MDN1: variants seen among roughly 807,000 people sequenced by gnomAD.
MDN1 encodes midasin AAA ATPase 1.
A neutral mutation model predicts 669.2 loss-of-function variants in MDN1; 266 were observed. The observed-to-expected ratio is 0.40, with a 90% CI of 0.36 to 0.44. The LOEUF is 0.44. MDN1 is among the 20% of genes least tolerant of loss of function. MDN1 has a pLI of 1.00. For synonymous variants in MDN1, 2,385 were observed against 2,457.1 expected, an observed-to-expected ratio of 0.97 and a Z score of 0.87; for missense variants, 5,940 against 6,754.0, an observed-to-expected ratio of 0.88 and a Z score of 4.22.
In MDN1 at chr6:89,714,573, A is replaced by T; in HGVS notation, c.7039T>A (p.Leu2347Ile). 3 of 1,612,508 alleles carry T rather than the reference A, an allele frequency of 1.9e-6. No individual in the cohort carries two copies. The highest frequency in any genetic ancestry group is 2.5e-6 in the Non-Finnish European group (3 of 1,179,156). ...GNSVCDILLA[L>I]HTETRSTVVG... ...ACAGTGCTCCGGGTCTCTGTGTGTA[A>T]AGCCAAGAGGATGTCACATACACTG... The change falls in exon 46 of 102, where the codon TTA becomes ATA. Residue 2347 changes from leucine (L) to isoleucine (I), a missense_variant. Around this residue, in one of 5 missense-constraint regions of MDN1, gnomAD observed 2,292 missense variants for 2,638.3 expected, o/e 0.87. Transcript: ENST00000369393.
At chr6:89,647,694 G>T (rs570857380) in intron 99 of MDN1, among the ~76,000 whole-genome samples, 3 of 152,280 alleles carry the variant, frequency 2.0e-5, no homozygotes, top group African/African-American at 7.2e-5. Flanking sequence ...GCCCAGCATG[G>T]TGGTAATCCC....
chr6:89,678,812 G>C, intron 74 of MDN1, 67 bp from the exon 75 acceptor site: 2 of 1,512,778 alleles, frequency 1.3e-6, no homozygotes, highest in South Asian at 2.5e-5. Context: ...TAATGTGTTT[G>C]TTACCCAACA....
intron 11 of MDN1, among the ~76,000 whole-genome samples, chr6:89,779,304 CT>C (rs1209829844): frequency 1.3e-5 from 2 of 152,146 alleles, no homozygotes; most frequent in Non-Finnish European, 2.9e-5. Context: ...CATCCAACTC[CT>C]TTTGTTCTTA....
chr6:89,761,618 T>G (rs1817550843), intron 17 of MDN1, 27 bp downstream of exon 17: 2 of 1,507,392 alleles, frequency 1.3e-6, no homozygotes, highest in Admixed American at 1.8e-5. Context: ...AACGTTCCCA[T>G]AAGCTAAATA....
chr6:89,794,864 T>G, intron 2 of MDN1, 63 bp from the exon 3 acceptor site: 1 of 1,337,282 alleles, frequency 7.5e-7, no homozygotes, highest in East Asian at 2.3e-5. Context: ...TTTTTCTGCT[T>G]TGTAATAGGT....
chr6:89,707,380 C>T lies in MDN1; in HGVS notation c.7995G>A (p.Met2665Ile). The T allele has an allele frequency of 1.2e-6, 2 of 1,611,686 alleles. No individual in the cohort carries two copies. The highest frequency in any genetic ancestry group is 1.3e-5 in the African/African-American group (1 of 74,992). Residue 2665 changes from methionine (M) to isoleucine (I), a missense_variant, in exon 52 of 102, where the codon ATG becomes ATA. Met to Ile is a conservative substitution (Grantham distance 10). This residue lies in a region of MDN1 where 2,292 missense variants were observed against 2,638.3 expected (regional missense o/e 0.87). Transcript: ENST00000369393. Reference sequence around the variant, plus strand: ...TCTTACCTTGATGGAATTCAAAGGACATTCTCAAAACACTCTCTCTTAGCT... The same window carrying T: ...TCTTACCTTGATGGAATTCAAAGGATATTCTCAAAACACTCTCTCTTAGCT... ...SKKLRESVLR[M>I]SFEFHQDPES...
chr6:89,811,836 A>G (rs1768437493), intron 1 of MDN1, among the ~76,000 whole-genome samples: 1 of 152,102 alleles, frequency 6.6e-6, no homozygotes, highest in Non-Finnish European at 1.5e-5. Context: ...TGGAAAAGGG[A>G]AAGGACTGCA....
chr6:89,727,663 C>T (rs1440746429), intron 37 of MDN1, among the ~76,000 whole-genome samples, 170 bp downstream of exon 37: 1 of 152,146 alleles, frequency 6.6e-6, no homozygotes, highest in Non-Finnish European at 1.5e-5. Flanking sequence ...GTGTATTCTG[C>T]CAAGTGACCT....
chr6:89,743,745 C>T, intron 29 of MDN1, 31 bp from the exon 30 acceptor site: 1 of 1,600,586 alleles, frequency 6.2e-7, no homozygotes. Context: ...ATTAACAAGG[C>T]ATGTGTTTCA....
intron 88 of MDN1, 76 bp from the exon 89 acceptor site, chr6:89,658,993 T>G: frequency 7.2e-7 from 1 of 1,388,068 alleles, no homozygotes; most frequent in Non-Finnish European, 9.8e-7. Context: ...GAGCTACTTA[T>G]GCAAGTTTTG....
chr6:89,792,972 G>T (rs1240917966), intron 5 of MDN1, among the ~76,000 whole-genome samples: 1 of 152,130 alleles, frequency 6.6e-6, no homozygotes, highest in Non-Finnish European at 1.5e-5. Flanking sequence ...GTGAGCCGAG[G>T]TTCTGCCACT....
chr6:89,673,446 A>C lies in MDN1; in HGVS notation c.13264T>G (p.Cys4422Gly). The change falls in exon 80 of 102, where the codon TGC (cysteine) becomes GGC (glycine). Residue 4422 changes from cysteine (C) to glycine (G), a missense_variant. By Grantham distance (159) the Cys-to-Gly change is radical. Coordinates refer to ENST00000369393, the MANE Select transcript of MDN1 (RefSeq NM_014611.3). ...LFHSWKDFEV[C>G]SSALSCLSQV... ...GACAAGCAACTCAGCGCAGAAGAGC[A>C]AACTTCAAAATCTTTCCTGCAACAG... The C allele has an allele frequency of 1.2e-6, 2 of 1,614,188 alleles. No homozygotes were observed. The highest frequency in any genetic ancestry group is 1.7e-6 in the Non-Finnish European group (2 of 1,180,030).
intron 1 of MDN1, among the ~76,000 whole-genome samples, chr6:89,813,615 C>A (rs1440239376): frequency 6.6e-6 from 1 of 151,386 alleles, no homozygotes; most frequent in East Asian, 1.9e-4. Context: ...CCTGTTGTCC[C>A]AGCTACTCAG....
chr6:89,674,052 C>T, intron 79 of MDN1, 52 bp downstream of exon 79: 1 of 1,564,002 alleles, frequency 6.4e-7, no homozygotes, highest in South Asian at 1.2e-5. Context: ...TTTAGATAAG[C>T]ACAATAAGGA....
At position 89,685,956 on chromosome 6, in the gene MDN1, A is replaced by G. The variant is rs1270785694; in HGVS notation, c.11590T>C (p.Leu3864=). The part of the protein sequence containing the change: ...EEQEDDKQMT[L]MLLVSTLQAF... The stretch of plus-strand genomic sequence containing the variant: ...TGTAATGTGCTGACCAGCAACATCA[A>G]GGTCATCTGTTTGTCATCTTTAAAA... The change falls in exon 70 of 102, where the codon TTG becomes CTG. Residue 3864 remains leucine, a synonymous_variant. Coordinates refer to ENST00000369393, the MANE Select transcript of MDN1 (RefSeq NM_014611.3). The G allele has an allele frequency of 6.2e-7, 1 of 1,611,550 alleles. No homozygotes were observed. The highest frequency in any genetic ancestry group is 1.7e-5 in the Admixed American group (1 of 59,324).
chr6:89,753,014 T>C (rs529669519), intron 22 of MDN1, among the ~76,000 whole-genome samples: 229 of 151,950 alleles, frequency 1.5e-3, no homozygotes, highest in African/African-American at 5.3e-3. Context: ...TCCCAGCTAC[T>C]CGGGAGGCTG....
chr6:89,715,777 G>C lies in MDN1; in HGVS notation c.6744-8C>G. 1 of 1,574,846 alleles carries C rather than the reference G, an allele frequency of 6.3e-7. No homozygotes were observed. Among genetic ancestry groups the C allele is most frequent in the Non-Finnish European group, 8.7e-7 (1 of 1,144,376 alleles). ...CGATCCAACACTGATGGGCTGCAGAGACAGAATTCAGATGGTGGATAGGCT... is the reference window on the plus strand; with the variant it reads ...CGATCCAACACTGATGGGCTGCAGACACAGAATTCAGATGGTGGATAGGCT... On this transcript the variant is annotated splice_polypyrimidine_tract_variant and splice_region_variant and intron_variant, in intron 44 of 101. Transcript: ENST00000369393.
At chr6:89,673,545 T>A in intron 79 of MDN1, 83 bp from the exon 80 acceptor site, 1 of 1,211,288 alleles carries the variant, frequency 8.3e-7, no homozygotes, top group Admixed American at 1.9e-5. Context: ...CACTACAAGA[T>A]ATGCAAGGTA....
chr6:89,721,415 C>T (rs555042141), intron 40 of MDN1, among the ~76,000 whole-genome samples: 2 of 152,150 alleles, frequency 1.3e-5, no homozygotes, highest in Non-Finnish European at 2.9e-5. Context: ...CGTTTTTATC[C>T]GTGGATGGCT....
Sources: allele counts gnomAD v4.1 joint callset (sites outside exome capture counted in the v4.1 genomes callset), GRCh38; gene constraint gnomAD v4.1.1; regional missense constraint gnomAD v4.1.1; transcripts MANE v1.5; gene names NCBI Gene and HGNC (gene_info 2026-07-23, HGNC 2026-07-21).